SORCS2: variants seen among roughly 807,000 people sequenced by gnomAD.
The protein encoded by SORCS2 is sortilin related VPS10 domain containing receptor 2.
SORCS2 carries 100 observed loss-of-function variants against 141.6 expected under a neutral mutation model. That is an observed-to-expected ratio of 0.71 (90% CI 0.60 to 0.83). The LOEUF is 0.83. SORCS2 is among the 40% of genes least tolerant of loss of function. The probability of loss-of-function intolerance (pLI) is 0.00; values close to 1 mark genes in which losing one functional copy is unlikely to be tolerated. For missense variants in SORCS2, 1,646 were observed against 1,560.2 expected, an observed-to-expected ratio of 1.05 and a Z score of -0.93; for synonymous variants, 789 against 676.9, an observed-to-expected ratio of 1.17 and a Z score of -2.57.
chr4:7,573,919 C>T (rs1715563676), intron 3 of SORCS2, among the ~76,000 whole-genome samples: 2 of 152,228 alleles, frequency 1.3e-5, no homozygotes, highest in South Asian at 4.1e-4. Context: ...TGGGAAGCAG[C>T]AGGCCCATTC....
At chr4:7,605,009 C>T (rs1459564388) in intron 3 of SORCS2, among the ~76,000 whole-genome samples, 3 of 152,232 alleles carry the variant, frequency 2.0e-5, no homozygotes, top group Admixed American at 1.3e-4. Flanking sequence ...TGTAAAATCT[C>T]AAACCAGAGT....
intron 3 of SORCS2, among the ~76,000 whole-genome samples, chr4:7,599,673 G>A (rs1717525427): frequency 1.3e-5 from 2 of 152,198 alleles, no homozygotes; most frequent in East Asian, 1.9e-4. Context: ...GGCAGGTCTC[G>A]CCTCCCTCTG....
chr4:7,209,055 C>T (rs1321816512), intron 1 of SORCS2, among the ~76,000 whole-genome samples: 1 of 152,230 alleles, frequency 6.6e-6, no homozygotes, highest in Non-Finnish European at 1.5e-5. Flanking sequence ...CTCCTGGCTT[C>T]ATGTGGCCCT....
At chr4:7,458,196 C>T (rs1729046137) in intron 2 of SORCS2, among the ~76,000 whole-genome samples, 1 of 152,088 alleles carries the variant, frequency 6.6e-6, no homozygotes, top group African/African-American at 2.4e-5. Context: ...CTGAGTCCTC[C>T]TGTGGGGCGG....
At chr4:7,489,046 A>G (rs1177380106) in intron 2 of SORCS2, among the ~76,000 whole-genome samples, 2 of 152,216 alleles carry the variant, frequency 1.3e-5, no homozygotes, top group Non-Finnish European at 2.9e-5. Context: ...GCAGCATGCT[A>G]AGGCTGGGGA....
chr4:7,656,478 A>G (rs1459529442), intron 5 of SORCS2, among the ~76,000 whole-genome samples: 1 of 152,222 alleles, frequency 6.6e-6, no homozygotes, highest in Non-Finnish European at 1.5e-5. Flanking sequence ...GTCACAGGGA[A>G]GAACTGAGGC....
At chr4:7,462,553 G>C (rs1005921611) in intron 2 of SORCS2, among the ~76,000 whole-genome samples, 25 of 151,978 alleles carry the variant, frequency 1.6e-4, no homozygotes, top group Admixed American at 4.6e-4. Context: ...CTCCCCTCCT[G>C]GTGCACCTGG....
chr4:7,710,239 C>T (rs1725737925), intron 14 of SORCS2, among the ~76,000 whole-genome samples: 2 of 152,218 alleles, frequency 1.3e-5, no homozygotes, highest in South Asian at 2.1e-4. Flanking sequence ...CCAGAGCCAC[C>T]AGCCCGGGTT....
chr4:7,614,524 C>T (rs1237777314), intron 3 of SORCS2, among the ~76,000 whole-genome samples: 2 of 151,076 alleles, frequency 1.3e-5, no homozygotes, highest in African/African-American at 2.4e-5. Context: ...TATTCATCCA[C>T]TCTTCCACCA....
intron 2 of SORCS2, among the ~76,000 whole-genome samples, chr4:7,442,650 G>A (rs1373734116): frequency 1.0e-4 from 11 of 106,154 alleles, no homozygotes. Flanking sequence ...CCCCAGCTCT[G>A]CCCTGCCGCA....
intron 21 of SORCS2, among the ~76,000 whole-genome samples, chr4:7,727,704 C>G (rs143561885): frequency 6.6e-6 from 1 of 152,184 alleles, no homozygotes; most frequent in East Asian, 1.9e-4. Flanking sequence ...CCTCAAAGCA[C>G]TTGTCCCTTG....
At chr4:7,216,140 A>G (rs1256794839) in intron 1 of SORCS2, among the ~76,000 whole-genome samples, 13 of 152,266 alleles carry the variant, frequency 8.5e-5, no homozygotes, top group African/African-American at 2.2e-4. Flanking sequence ...GGGGAGGAAC[A>G]AACAACTCCA....
At chr4:7,594,484 C>T (rs1405833754) in intron 3 of SORCS2, among the ~76,000 whole-genome samples, 1 of 152,260 alleles carries the variant, frequency 6.6e-6, no homozygotes, top group African/African-American at 2.4e-5. Flanking sequence ...TGCTCCCCTC[C>T]TTGGCACTGT....
chr4:7,290,796 T>A (rs958186543), intron 1 of SORCS2, among the ~76,000 whole-genome samples: 77 of 151,364 alleles, frequency 5.1e-4, no homozygotes, highest in African/African-American at 1.3e-3. Flanking sequence ...GGCTGCATTC[T>A]TTCATTCATT....
intron 2 of SORCS2, among the ~76,000 whole-genome samples, chr4:7,416,210 C>G (rs762715553): frequency 1.3e-5 from 2 of 152,064 alleles, no homozygotes; most frequent in African/African-American, 4.8e-5. Flanking sequence ...CTTGTGGACT[C>G]GAGCAAACAT....
chr4:7,377,358 G>C (rs1048040960), intron 1 of SORCS2, among the ~76,000 whole-genome samples: 1 of 152,050 alleles, frequency 6.6e-6, no homozygotes, highest in Admixed American at 6.6e-5. Flanking sequence ...GGCTGTGACG[G>C]GGGGGACAGA....
intron 1 of SORCS2, among the ~76,000 whole-genome samples, chr4:7,215,994 A>G (rs572162555): frequency 2.6e-5 from 4 of 151,904 alleles, no homozygotes; most frequent in Admixed American, 2.6e-4. Flanking sequence ...CACACTGTGG[A>G]AGCTTTGTTC....
intron 3 of SORCS2, among the ~76,000 whole-genome samples, chr4:7,598,668 C>T (rs945286639): frequency 2.0e-5 from 3 of 152,178 alleles, no homozygotes; most frequent in Admixed American, 2.0e-4. Flanking sequence ...CCATAGAAAC[C>T]TCCTTCTTGC....
chr4:7,620,505 G>A (rs1174356285), intron 3 of SORCS2, among the ~76,000 whole-genome samples: 2 of 152,220 alleles, frequency 1.3e-5, no homozygotes, highest in Non-Finnish European at 2.9e-5. Flanking sequence ...CAACTTCCCA[G>A]GCGAGGGGCT....
Sources: gnomAD v4.1 joint callset for allele counts (sites outside exome capture counted in the v4.1 genomes callset) on GRCh38, gnomAD v4.1.1 for gene constraint, MANE v1.5 for transcripts, NCBI Gene and HGNC (gene_info 2026-07-23, HGNC 2026-07-21) for gene names.